The following GABRB2 variants were observed in gnomAD, a reference collection of about 807,000 sequenced individuals.
The protein encoded by GABRB2 is gamma-aminobutyric acid receptor subunit beta-2.
GABRB2 carries 16 observed loss-of-function variants against 54.7 expected under a neutral mutation model. The ratio of observed to expected loss-of-function variants is 0.29; its 90% CI spans 0.20 to 0.44. GABRB2 has a LOEUF of 0.44. Ranked by LOEUF, GABRB2 falls within the 20% of genes least tolerant of loss-of-function variation. The pLI, the probability that GABRB2 is intolerant of heterozygous loss-of-function variation, is 1.00. For synonymous variants in GABRB2, 244 were observed against 233.8 expected (o/e 1.04, Z -0.40); for missense variants, 355 against 644.0 (o/e 0.55, Z 4.86).
At chr5:161,494,331 A>C (rs1316154866) in intron 3 of GABRB2, among the ~76,000 whole-genome samples, 1 of 151,894 alleles carries the variant, frequency 6.6e-6, no homozygotes, top group Non-Finnish European at 1.5e-5. Flanking sequence ...TGACACAAAA[A>C]GAAGAATTTA....
At position 161,491,962 on chromosome 5, in the gene GABRB2, G is replaced by C. The variant is rs114083697; in HGVS notation, c.238-32118C>G. On this transcript the variant is annotated intron_variant, in intron 3 of 9. Transcript: ENST00000393959. ...CATGTGAACTGCTCAGTAATGAAAA[G>C]AATGTGCTATGGAGGGTGACTCCCT... Among the ~76,000 whole-genome samples, 253 of 151,690 alleles carry C rather than the reference G, an allele frequency of 1.7e-3. 2 individuals carry two copies. The highest frequency in any genetic ancestry group is 0.01 in the Middle Eastern group (3 of 294).
In GABRB2 at chr5:161,364,193, TAC is replaced by T. The variant is rs200984329; in HGVS notation, c.542-27426_542-27425del. Among the ~76,000 whole-genome samples the T allele has an allele frequency of 3.2e-3, 493 of 152,178 alleles. 1 individual carries two copies. The highest frequency in any genetic ancestry group is 0.01 in the African/African-American group (431 of 41,540). ...ACACAAAAATAGGATTATTTATGATTACACACACACACATATAAATCTATATA... is the reference window on the plus strand; with the variant it reads ...ACACAAAAATAGGATTATTTATGATTACACACACACATATAAATCTATATA... On this transcript the variant is annotated intron_variant, in intron 5 of 9. Transcript: ENST00000393959.
At chr5:161,433,239 T>TAG (rs1226872102) in intron 4 of GABRB2, among the ~76,000 whole-genome samples, 2 of 152,118 alleles carry the variant, frequency 1.3e-5, no homozygotes, top group African/African-American at 4.8e-5. Flanking sequence ...CAAAATCACT[T>TAG]TTACTAATTT....
At chr5:161,455,692 C>T (rs1757934801) in intron 4 of GABRB2, among the ~76,000 whole-genome samples, 1 of 151,896 alleles carries the variant, frequency 6.6e-6, no homozygotes, top group Admixed American at 6.6e-5. Context: ...GCCACCACAC[C>T]CAGCTAATTT....
chr5:161,524,081 C>T (rs1760199074), intron 3 of GABRB2, among the ~76,000 whole-genome samples: 1 of 151,360 alleles, frequency 6.6e-6, no homozygotes, highest in African/African-American at 2.4e-5. Context: ...GAAAAACAGA[C>T]ATGGCCCTGA....
At position 161,290,332 on chromosome 5, in the gene GABRB2, A is replaced by T. The variant is rs1170565480; in HGVS notation, c.*3749T>A. 1 of 152,288 alleles carries T rather than the reference A, an allele frequency of 6.6e-6. No homozygotes were observed. Among genetic ancestry groups the T allele is most frequent in the Non-Finnish European group, 1.5e-5 (1 of 67,944 alleles). The allele number at this position is 152,288 out of a possible 1,614,324, so 9.4% of individuals were successfully genotyped here. On this transcript the variant is annotated 3_prime_UTR_variant, in exon 10 of 10. Transcript: ENST00000393959. ...GTTTGTTTTTGACTCACCAATGGAC[A>T]ATGTTATTTGTTTCCTTGAAAAAGA...
At chr5:161,300,138 G>T (rs1207647673) in intron 9 of GABRB2, among the ~76,000 whole-genome samples, 2 of 152,150 alleles carry the variant, frequency 1.3e-5, no homozygotes, top group African/African-American at 4.8e-5. Context: ...AAGTATAGGA[G>T]ATTGACAGGA....
chr5:161,429,357 A>AAAAAAAT (rs1402875797), intron 4 of GABRB2, among the ~76,000 whole-genome samples: 5 of 108,248 alleles, frequency 4.6e-5, no homozygotes, highest in African/African-American at 1.7e-4. Flanking sequence ...AAAAAAAAAA[A>AAAAAAAT]AGAAAAAGAA....
intron 3 of GABRB2, among the ~76,000 whole-genome samples, chr5:161,467,398 C>T (rs1433463220): frequency 6.6e-6 from 1 of 152,024 alleles, no homozygotes; most frequent in Non-Finnish European, 1.5e-5. Flanking sequence ...GAGGATCTGA[C>T]CTTCTGTCTT....
At chr5:161,491,842 T>A (rs1349426332) in intron 3 of GABRB2, among the ~76,000 whole-genome samples, 2 of 151,728 alleles carry the variant, frequency 1.3e-5, no homozygotes, top group African/African-American at 4.8e-5. Flanking sequence ...GCATCTGTTT[T>A]ATCTTTCGAT....
At chr5:161,395,336 T>G (rs1377854096) in intron 5 of GABRB2, among the ~76,000 whole-genome samples, 1 of 152,136 alleles carries the variant, frequency 6.6e-6, no homozygotes. Context: ...AGGAGCTCCT[T>G]GAAGATAGTA....
chr5:161,476,770 T>A (rs1212528134), intron 3 of GABRB2, among the ~76,000 whole-genome samples: 1 of 151,870 alleles, frequency 6.6e-6, no homozygotes, highest in Non-Finnish European at 1.5e-5. Flanking sequence ...TCTTATTTTA[T>A]ACCATATATA....
intron 3 of GABRB2, among the ~76,000 whole-genome samples, chr5:161,516,647 AT>A (rs5872717): frequency 8.6e-5 from 13 of 151,704 alleles, no homozygotes; most frequent in East Asian, 3.9e-4. Flanking sequence ...TAAAGTAAAG[AT>A]TTTTTTTTAT....
intron 4 of GABRB2, among the ~76,000 whole-genome samples, chr5:161,429,389 A>C (rs1757111683): frequency 6.6e-6 from 1 of 151,170 alleles, no homozygotes; most frequent in South Asian, 2.1e-4. Context: ...TCCTGAAATA[A>C]GGAAAATGAT....
At chr5:161,499,809 A>G (rs554341358) in intron 3 of GABRB2, among the ~76,000 whole-genome samples, 1 of 152,316 alleles carries the variant, frequency 6.6e-6, no homozygotes, top group South Asian at 2.1e-4. Context: ...AGTGCAAAGC[A>G]TGGTGAACAT....
intron 4 of GABRB2, among the ~76,000 whole-genome samples, chr5:161,435,516 C>T (rs1757283409): frequency 6.6e-6 from 1 of 151,936 alleles, no homozygotes; most frequent in African/African-American, 2.4e-5. Flanking sequence ...TTTTTTCTAA[C>T]AGTTAACATT....
At chr5:161,342,304 T>A (rs1020232635) in intron 5 of GABRB2, among the ~76,000 whole-genome samples, 1 of 151,944 alleles carries the variant, frequency 6.6e-6, no homozygotes, top group Non-Finnish European at 1.5e-5. Context: ...AAATACCTCA[T>A]CATAAAATAA....
chr5:161,507,070 C>G (rs1759628760), intron 3 of GABRB2, among the ~76,000 whole-genome samples: 1 of 151,974 alleles, frequency 6.6e-6, no homozygotes. Flanking sequence ...AAGCTCTGTT[C>G]ATCAAAATGC....
At chr5:161,426,369 G>A (rs866768950) in intron 4 of GABRB2, among the ~76,000 whole-genome samples, 4 of 152,200 alleles carry the variant, frequency 2.6e-5, no homozygotes, top group Middle Eastern at 3.4e-3. Flanking sequence ...ACTTAGAGGA[G>A]TTCTAAAGGG....
Sources: allele counts gnomAD v4.1 joint callset (sites outside exome capture counted in the v4.1 genomes callset), GRCh38; gene constraint gnomAD v4.1.1; transcripts MANE v1.5; gene names NCBI Gene and HGNC (gene_info 2026-07-23, HGNC 2026-07-21).